The following LRRC45 variants were observed in gnomAD, a reference collection of about 807,000 sequenced individuals.
LRRC45 encodes the protein leucine rich repeat containing 45.
In LRRC45, 73 loss-of-function variants were observed where a neutral mutation model predicts 85.4. That is an observed-to-expected ratio of 0.85 (90% confidence interval 0.71 to 1.04). The LOEUF is 1.04. LRRC45 is among the 50% of genes least tolerant of loss of function. The probability of loss-of-function intolerance (pLI) is 0.00; values close to 1 mark genes in which losing one functional copy is unlikely to be tolerated. For synonymous variants in LRRC45, 429 were observed against 386.0 expected (o/e 1.11, Z -1.31); for missense variants, 937 against 883.3 (o/e 1.06, Z -0.77).
Position 82,030,768 on chromosome 17 carries a change from A to C in LRRC45, c.1976A>C (p.Gln659Pro). 6.9e-7 allele frequency: 1 copy of C among 1,440,438 alleles called. No homozygotes were observed. The highest frequency in any genetic ancestry group is 9.3e-7 in the Non-Finnish European group (1 of 1,080,632). 89.2% of individuals were successfully genotyped at this position (1,440,438 alleles called of 1,614,324 possible). Residue 659 changes from glutamine (Q) to proline (P), a missense_variant, in exon 17 of 17, where the codon CAG becomes CCG. Transcript: ENST00000306688. ...FLQNAVLAYV[Q>P]ASPVRTLSPP... ...CAGAACGCCGTCCTGGCTTACGTGC[A>C]GGCGTCCCCCGTGAGGACCCTGAGC...
At position 82,025,087 on chromosome 17, in the gene LRRC45, G is replaced by T. The variant is rs2043356277; in HGVS notation, c.441G>T (p.Gln147His). The change falls in exon 4 of 17, where the codon CAG becomes CAT. Residue 147 changes from glutamine (Q) to histidine (H), a missense_variant. Transcript: ENST00000306688. ...GCCTGGCGGCCAACGGCGCCCTGCAGCGGCTGGACCTCCGCAACAACCAGA... is the reference window on the plus strand; with the variant it reads ...GCCTGGCGGCCAACGGCGCCCTGCATCGGCTGGACCTCCGCAACAACCAGA... ...CGGLAANGAL[Q>H]RLDLRNNQIS... 1 of 1,610,478 alleles carries T rather than the reference G, an allele frequency of 6.2e-7. No homozygotes were observed. The highest frequency in any genetic ancestry group is 1.3e-5 in the African/African-American group (1 of 74,908).
chr17:82,023,823 C>A lies in LRRC45; in HGVS notation c.180C>A (p.Cys60Ter). The A allele has an allele frequency of 6.4e-7, 1 of 1,569,020 alleles. No homozygotes were observed. The highest frequency in any genetic ancestry group is 2.1e-4 in the Middle Eastern group (1 of 4,724). ...LGKLLPRETL[C>*]TELVLSDCML... ...AGCTGCTGCCGAGGGAGACGCTGTGCACGGAGCTGGTCCTGAGTGACTGCA... is the reference window on the plus strand; with the variant it reads ...AGCTGCTGCCGAGGGAGACGCTGTGAACGGAGCTGGTCCTGAGTGACTGCA... Residue 60 changes from cysteine (C) to a stop codon, truncating the protein, a stop_gained, in exon 1 of 17, where the codon TGC becomes TGA. Coordinates refer to ENST00000306688, the MANE Select transcript of LRRC45 (RefSeq NM_144999.4). LOFTEE classifies it high-confidence loss of function.
chr17:82,028,785 TG>T, intron 12 of LRRC45, 102 bp downstream of exon 12: 3 of 1,285,856 alleles, frequency 2.3e-6, no homozygotes, highest in Non-Finnish European at 3.2e-6. Context: ...TTGCCAACCT[TG>T]GGTCACTGGG....
rs1197399967 is a variant in LRRC45 at position 82,030,220 on chromosome 17, C to T, written c.1650C>T (p.Arg550=). The T allele has an allele frequency of 3.3e-6, 5 of 1,535,634 alleles. No individual in the cohort carries two copies. The highest frequency in any genetic ancestry group is 1.2e-5 in the South Asian group (1 of 83,226). ...TGCAAGTTGAGGGCCTGCGGCGGCG[C>T]CTGGAAGAGCTGCAGCAGGTAGGCG... ...LGLQVEGLRR[R]LEELQQELSL... The change falls in exon 15 of 17, where the codon CGC becomes CGT. Residue 550 remains arginine, a synonymous_variant. Transcript: ENST00000306688.
intron 12 of LRRC45, 158 bp from the exon 13 acceptor site, chr17:82,028,935 A>G (rs1408202070): frequency 5.4e-6 from 4 of 734,070 alleles, no homozygotes; most frequent in Admixed American, 5.1e-5. Flanking sequence ...CAGGGTGTGC[A>G]TGCTGCGGTA....
intron 14 of LRRC45, 39 bp from the exon 15 acceptor site, chr17:82,030,026 T>A (rs1294275491): frequency 6.6e-7 from 1 of 1,517,580 alleles, no homozygotes; most frequent in Admixed American, 2.1e-5. Flanking sequence ...GAGCTCAGGC[T>A]GAGCCCCTCA....
intron 4 of LRRC45, 45 bp from the exon 5 acceptor site, chr17:82,025,334 C>G (rs772087018): frequency 1.3e-6 from 2 of 1,540,142 alleles, no homozygotes; most frequent in South Asian, 1.3e-5. Context: ...CCAGCTCCCC[C>G]TCTGCCAGGT....
chr17:82,024,566 G>A, intron 2 of LRRC45, 127 bp from the exon 3 acceptor site: 1 of 1,163,926 alleles, frequency 8.6e-7, no homozygotes, highest in East Asian at 2.4e-5. Flanking sequence ...AGGGAGCCCA[G>A]GAGCTGAGGA....
rs758963386 is a variant in LRRC45 at position 82,028,512 on chromosome 17, G to A, written c.1237+4G>A. The A allele has an allele frequency of 1.2e-6, 2 of 1,612,220 alleles. No homozygotes were observed. Among genetic ancestry groups the A allele is most frequent in the South Asian group, 1.1e-5 (1 of 90,990 alleles). ...ATGCGGGCCATCCAGGCCGAGGGTG[G>A]GCACGGGCAGGCCTGCTGTGGAGGG... On this transcript the variant is annotated splice_donor_region_variant and intron_variant, in intron 11 of 16. Coordinates refer to ENST00000306688, the MANE Select transcript of LRRC45 (RefSeq NM_144999.4).
rs778941313 is a variant in LRRC45 at position 82,024,346 on chromosome 17, T to C, written c.282+7T>C. ...GCGCTTTCTGGACTTAAAGGTGAGA[T>C]ACCTGCACTCTTGAGTGTCCGAGTG... On this transcript the variant is annotated splice_region_variant and intron_variant, in intron 2 of 16. Coordinates refer to ENST00000306688, the MANE Select transcript of LRRC45 (RefSeq NM_144999.4). The C allele has an allele frequency of 1.1e-5, 17 of 1,612,174 alleles. No individual in the cohort carries two copies. The highest frequency in any genetic ancestry group is 6.7e-5 in the East Asian group (3 of 44,872).
Position 82,028,527 on chromosome 17 carries a change from GCTGTGGAGGGGC to G in LRRC45, c.1237+23_1237+34del. On this transcript the variant is annotated intron_variant, in intron 11 of 16. Coordinates refer to ENST00000306688, the MANE Select transcript of LRRC45 (RefSeq NM_144999.4). ...GCCGAGGGTGGGCACGGGCAGGCCTGCTGTGGAGGGGCCTGGGGATGGGCACCGGGGGACGGG... is the reference window on the plus strand; with the variant it reads ...GCCGAGGGTGGGCACGGGCAGGCCTGCTGGGGATGGGCACCGGGGGACGGG... The G allele has an allele frequency of 6.2e-7, 1 of 1,611,908 alleles. No individual in the cohort carries two copies. Among genetic ancestry groups the G allele is most frequent in the Non-Finnish European group, 8.5e-7 (1 of 1,179,506 alleles).
chr17:82,028,922 G>A (rs543994833), intron 12 of LRRC45, 171 bp from the exon 13 acceptor site: 19 of 719,284 alleles, frequency 2.6e-5, no homozygotes, highest in African/African-American at 1.8e-4. Flanking sequence ...AGGCCCACTC[G>A]TTCAGGGTGT....
At chr17:82,029,728 A>T in intron 14 of LRRC45, 93 bp downstream of exon 14, 1 of 1,270,716 alleles carries the variant, frequency 7.9e-7, no homozygotes, top group Non-Finnish European at 1.1e-6. Context: ...CTGAGTGGGG[A>T]GGCGGGAGTG....
chr17:82,027,859 G>A, intron 8 of LRRC45, 108 bp downstream of exon 8: 3 of 1,521,776 alleles, frequency 2.0e-6, no homozygotes, highest in Non-Finnish European at 8.9e-7. Context: ...GTGGGAAATG[G>A]TGAGGCTGGG....
Position 82,024,690 on chromosome 17 carries a change from T to C in LRRC45, c.283-3T>C. The C allele has an allele frequency of 6.4e-7, 1 of 1,571,616 alleles. No homozygotes were observed. ...AGTGACTACCGGCCTGTTTCTCTCC[T>C]AGGGCAACAACCTTCGGGCTGCAGG... is the stretch of plus-strand genomic sequence containing the variant. On this transcript the variant is annotated splice_polypyrimidine_tract_variant and splice_region_variant and intron_variant, in intron 2 of 16. Transcript: ENST00000306688.
chr17:82,026,659 A>G (rs1223649081), intron 5 of LRRC45: 2 of 379,328 alleles, frequency 5.3e-6, no homozygotes, highest in East Asian at 1.3e-4. Context: ...GGCTCACTGC[A>G]ACCTCCACCT....
Position 82,023,668 on chromosome 17 carries a change from AGCC to A in LRRC45, c.29_31del (p.Arg10del). ...CATGGAGGAGTTCCGGCGCTCCTAC[AGCC>A]GCCTGTGCAGGGAGAGTGGGGCCGA... On this transcript the variant is annotated inframe_deletion, in exon 1 of 17. Coordinates refer to ENST00000306688, the MANE Select transcript of LRRC45 (RefSeq NM_144999.4). 1.3e-6 allele frequency: 2 copies of A among 1,546,140 alleles called. No homozygotes were observed. The highest frequency in any genetic ancestry group is 1.7e-6 in the Non-Finnish European group (2 of 1,151,896).
Position 82,024,332 on chromosome 17 carries a change from A to T in LRRC45, c.275A>T (p.Asp92Val). ...GCCAACACCGTGCTGCGCTTTCTGG[A>T]CTTAAAGGTGAGATACCTGCACTCT... ...LCANTVLRFL[D>V]LKGNNLRAAG... is the part of the protein sequence containing the mutation. Residue 92 changes from aspartate to valine, a missense_variant, in exon 2 of 17, where the codon GAC becomes GTC. By Grantham distance (152) the Asp-to-Val change is radical. Transcript: ENST00000306688. 2 of 1,612,320 alleles carry T rather than the reference A, an allele frequency of 1.2e-6. No individual in the cohort carries two copies. The highest frequency in any genetic ancestry group is 1.7e-6 in the Non-Finnish European group (2 of 1,179,906).
At chr17:82,027,558 C>G in intron 7 of LRRC45, 114 bp downstream of exon 7, 1 of 1,543,080 alleles carries the variant, frequency 6.5e-7, no homozygotes, top group African/African-American at 1.4e-5. Context: ...TCGCTGGAGG[C>G]TCAGTGCCCA....
Sources: allele counts gnomAD v4.1 joint callset, GRCh38; gene constraint gnomAD v4.1.1; transcripts MANE v1.5; gene names NCBI Gene and HGNC (gene_info 2026-07-23, HGNC 2026-07-21).